Variants in TMEM117 observed in about 807,000 individuals in gnomAD.
TMEM117 encodes the protein transmembrane protein 117.
Under a neutral mutation model 52.4 loss-of-function variants are expected in TMEM117, and 27 were observed. That is an observed-to-expected ratio of 0.51 (90% CI 0.38 to 0.71). The LOEUF (loss-of-function observed/expected upper bound fraction) is 0.71, where lower values mean the gene tolerates loss of function less well. Among genes scored for constraint, TMEM117 ranks in the 30% least tolerant of loss-of-function variants. The pLI is 0.00. For synonymous variants in TMEM117, 215 were observed against 206.3 expected (o/e 1.04, Z -0.36); for missense variants, 556 against 630.5 (o/e 0.88, Z 1.26).
Position 43,865,460 on chromosome 12 carries a change from G to A in TMEM117, c.277+20532G>A, listed in dbSNP as rs376491570. On this transcript the variant is annotated intron_variant, in intron 2 of 7. Transcript: ENST00000266534. ...ACCTGTAATCCCAGCACTTTGGGAG[G>A]CCAAGGTGGGTGGATCACTTGAGGT... is the stretch of plus-strand genomic sequence containing the variant. Among the ~76,000 whole-genome samples, 52 of 152,254 alleles carry A rather than the reference G, an allele frequency of 3.4e-4. No homozygotes were observed. In the East Asian group the frequency reaches 6.2e-3, roughly 18 times the overall value.
chr12:43,849,540 T>G (rs761940900), intron 2 of TMEM117, among the ~76,000 whole-genome samples: 15 of 152,346 alleles, frequency 9.8e-5, no homozygotes, highest in Non-Finnish European at 1.5e-4. Context: ...CCTGGTGGTA[T>G]AAGTAATCAG....
chr12:43,971,040 A>G (rs553429420), intron 3 of TMEM117, among the ~76,000 whole-genome samples: 2 of 152,274 alleles, frequency 1.3e-5, no homozygotes, highest in Admixed American at 6.5e-5. Flanking sequence ...CATATCAACA[A>G]ATAGCACAGT....
intron 6 of TMEM117, among the ~76,000 whole-genome samples, chr12:44,356,348 TG>T (rs1248712670): frequency 6.6e-6 from 1 of 152,128 alleles, no homozygotes; most frequent in Non-Finnish European, 1.5e-5. Flanking sequence ...TTGTTTATAT[TG>T]CTGTCTTCTG....
At chr12:44,033,627 A>G (rs1012901820) in intron 3 of TMEM117, among the ~76,000 whole-genome samples, 18 of 152,332 alleles carry the variant, frequency 1.2e-4, no homozygotes, top group African/African-American at 4.3e-4. Context: ...CACACACATG[A>G]TGTGATTTGG....
intron 3 of TMEM117, among the ~76,000 whole-genome samples, chr12:44,060,100 C>A (rs539040392): frequency 7.2e-5 from 11 of 152,160 alleles, no homozygotes; most frequent in Non-Finnish European, 1.6e-4. Flanking sequence ...ATTTAACATG[C>A]AACAGTAGTA....
intron 3 of TMEM117, among the ~76,000 whole-genome samples, chr12:43,995,052 G>A (rs1290604029): frequency 6.6e-6 from 1 of 152,040 alleles, no homozygotes; most frequent in Non-Finnish European, 1.5e-5. Flanking sequence ...TGAGGCGGGT[G>A]GATCACGAGG....
chr12:44,214,837 A>G (rs1949695522), intron 5 of TMEM117, among the ~76,000 whole-genome samples: 1 of 152,182 alleles, frequency 6.6e-6, no homozygotes, highest in Non-Finnish European at 1.5e-5. Context: ...AAGCTGATGG[A>G]AAAAGTTGAA....
At chr12:44,297,764 C>G (rs1041794638) in intron 5 of TMEM117, among the ~76,000 whole-genome samples, 1 of 152,060 alleles carries the variant, frequency 6.6e-6, no homozygotes, top group African/African-American at 2.4e-5. Flanking sequence ...TTCTCAAGCT[C>G]AAGAAAACAA....
intron 6 of TMEM117, among the ~76,000 whole-genome samples, chr12:44,301,202 T>G (rs1950835097): frequency 6.6e-6 from 1 of 152,182 alleles, no homozygotes; most frequent in Non-Finnish European, 1.5e-5. Context: ...TCTGTTTGTG[T>G]AAGTTTTCAG....
intron 5 of TMEM117, among the ~76,000 whole-genome samples, chr12:44,266,747 A>G (rs1049743105): frequency 1.3e-5 from 2 of 152,130 alleles, no homozygotes; most frequent in African/African-American, 4.8e-5. Flanking sequence ...TTATAGCTTT[A>G]GCTCTTATAT....
chr12:44,343,026 C>T (rs1368452552), intron 6 of TMEM117, among the ~76,000 whole-genome samples: 1 of 151,966 alleles, frequency 6.6e-6, no homozygotes, highest in South Asian at 2.1e-4. Flanking sequence ...GCTGGGTTTA[C>T]AGGTGCCCAC....
chr12:44,362,758 C>T (rs536771015), intron 6 of TMEM117, among the ~76,000 whole-genome samples: 3 of 151,882 alleles, frequency 2.0e-5, no homozygotes, highest in East Asian at 3.9e-4. Context: ...AATCTGAAGA[C>T]TTTATCTCTA....
At chr12:44,072,062 G>T (rs555137286) in intron 3 of TMEM117, among the ~76,000 whole-genome samples, 21 of 152,154 alleles carry the variant, frequency 1.4e-4, no homozygotes, top group Non-Finnish European at 2.8e-4. Context: ...TCACATCCAG[G>T]AGTTGGTAGA....
intron 3 of TMEM117, among the ~76,000 whole-genome samples, chr12:43,945,109 C>A (rs200343233): frequency 7.1e-6 from 1 of 141,648 alleles, no homozygotes; most frequent in South Asian, 2.3e-4. Context: ...GACTCCGTCT[C>A]TAAATAAATA....
At chr12:43,968,822 T>G (rs943718481) in intron 3 of TMEM117, among the ~76,000 whole-genome samples, 3 of 152,226 alleles carry the variant, frequency 2.0e-5, no homozygotes, top group East Asian at 1.9e-4. Context: ...TATGAGAAAG[T>G]ACCCGTATTT....
chr12:44,367,344 A>T (rs114869458), intron 6 of TMEM117, among the ~76,000 whole-genome samples: 4,240 of 152,212 alleles, frequency 0.028, 97 homozygotes, highest in African/African-American at 0.055. Flanking sequence ...GCCAAATCTG[A>T]TGGTTAATAT....
intron 5 of TMEM117, among the ~76,000 whole-genome samples, chr12:44,214,729 G>T (rs1173438401): frequency 6.6e-6 from 1 of 152,020 alleles, no homozygotes; most frequent in African/African-American, 2.4e-5. Flanking sequence ...AGTAACTGAA[G>T]AACAATTTAA....
chr12:43,806,901 C>A, the TMEM117 span, among the ~76,000 whole-genome samples: 1 of 152,200 alleles, frequency 6.6e-6, no homozygotes. Context: ...AAAGAGACAG[C>A]CACTAAGAGA....
intron 3 of TMEM117, among the ~76,000 whole-genome samples, chr12:44,095,629 G>C (rs1394328838): frequency 6.6e-6 from 1 of 152,004 alleles, no homozygotes; most frequent in Non-Finnish European, 1.5e-5. Context: ...AGATGAATAG[G>C]AGAGAGAGAA....
Sources: gnomAD v4.1 joint callset for allele counts (sites outside exome capture counted in the v4.1 genomes callset) on GRCh38, gnomAD v4.1.1 for gene constraint, MANE v1.5 for transcripts, NCBI Gene and HGNC (gene_info 2026-07-23, HGNC 2026-07-21) for gene names.